Variants in SSH2 observed in about 807,000 individuals in gnomAD.
The protein encoded by SSH2 is protein phosphatase Slingshot homolog 2.
In SSH2, 37 loss-of-function variants were observed where a neutral mutation model predicts 135.2. That is an observed-to-expected ratio of 0.27 (90% CI 0.21 to 0.36). The LOEUF (loss-of-function observed/expected upper bound fraction) is 0.36. Among genes scored for constraint, SSH2 ranks in the 10% least tolerant of loss-of-function variants. The pLI, the probability that SSH2 is intolerant of heterozygous loss-of-function variation, is 1.00. For missense variants in SSH2, 1,408 were observed against 1,765.3 expected, an observed-to-expected ratio of 0.80 and a Z score of 3.63; for synonymous variants, 628 against 646.2, an observed-to-expected ratio of 0.97 and a Z score of 0.43.
At chr17:29,924,702 C>G (rs906386943) in intron 1 of SSH2, among the ~76,000 whole-genome samples, 12 of 152,028 alleles carry the variant, frequency 7.9e-5, no homozygotes, top group Non-Finnish European at 1.3e-4. Context: ...TATAGGGAAC[C>G]TGCCTTTAGC....
At chr17:29,774,195 G>A (rs186954524) in intron 3 of SSH2, among the ~76,000 whole-genome samples, 3 of 152,260 alleles carry the variant, frequency 2.0e-5, no homozygotes, top group African/African-American at 7.2e-5. Context: ...TCTGAATTGT[G>A]TTCATAATAA....
intron 8 of SSH2, among the ~76,000 whole-genome samples, chr17:29,673,225 T>C (rs1456733192): frequency 6.6e-6 from 1 of 152,178 alleles, no homozygotes; most frequent in African/African-American, 2.4e-5. Context: ...GCTCAATTAG[T>C]ATTTGTTGAG....
intron 1 of SSH2, among the ~76,000 whole-genome samples, chr17:29,862,285 A>C (rs142913262): frequency 0.02 from 3,076 of 152,300 alleles, 52 homozygotes; most frequent in Non-Finnish European, 0.03. Context: ...AATTATTGCT[A>C]TACAGGTTCT....
chr17:29,636,856 C>T, intron 14 of SSH2, 54 bp from the exon 15 acceptor site: 1 of 1,273,310 alleles, frequency 7.9e-7, no homozygotes, highest in South Asian at 1.4e-5. Flanking sequence ...AGATAATCAA[C>T]ACCCTCCCAG....
chr17:29,862,109 A>T (rs1056388988), intron 1 of SSH2, among the ~76,000 whole-genome samples: 2 of 152,156 alleles, frequency 1.3e-5, no homozygotes, highest in Non-Finnish European at 2.9e-5. Flanking sequence ...TTTCGTGATA[A>T]ATGGTACAGA....
At chr17:29,772,339 G>A (rs926253940) in intron 3 of SSH2, among the ~76,000 whole-genome samples, 1 of 149,238 alleles carries the variant, frequency 6.7e-6, no homozygotes, top group Non-Finnish European at 1.5e-5. Flanking sequence ...TCCACCTCCC[G>A]AGTTCACGCC....
intron 2 of SSH2, 32 bp downstream of exon 2, chr17:29,848,817 C>G: frequency 1.4e-6 from 2 of 1,390,082 alleles, no homozygotes; most frequent in Non-Finnish European, 2.0e-6. Flanking sequence ...CTTGAATCAC[C>G]AAAGTCTGTA....
intron 2 of SSH2, among the ~76,000 whole-genome samples, chr17:29,799,143 T>A (rs568424985): frequency 6.6e-6 from 1 of 152,176 alleles, no homozygotes; most frequent in Non-Finnish European, 1.5e-5. Flanking sequence ...TCATTTTTGA[T>A]GGGGTAAAAT....
At chr17:29,799,888 T>C (rs1301761413) in intron 2 of SSH2, among the ~76,000 whole-genome samples, 1 of 152,236 alleles carries the variant, frequency 6.6e-6, no homozygotes, top group African/African-American at 2.4e-5. Flanking sequence ...TGGGTCTATC[T>C]TTCTGCTATA....
At chr17:29,651,084 C>T (rs540289282) in intron 12 of SSH2, among the ~76,000 whole-genome samples, 1 of 152,118 alleles carries the variant, frequency 6.6e-6, no homozygotes, top group African/African-American at 2.4e-5. Flanking sequence ...AAAATCGTAT[C>T]CTTGATAGTA....
intron 3 of SSH2, among the ~76,000 whole-genome samples, chr17:29,778,661 A>AAAAT (rs35357918): frequency 0.43 from 61,872 of 142,732 alleles, 13,967 homozygotes; most frequent in Non-Finnish European, 0.48. Context: ...TAAATAAATA[A>AAAAT]AAATAAATAA....
At chr17:29,828,333 G>T (rs1193203030) in intron 2 of SSH2, among the ~76,000 whole-genome samples, 1 of 152,140 alleles carries the variant, frequency 6.6e-6, no homozygotes, top group African/African-American at 2.4e-5. Flanking sequence ...ACAAAGTAAA[G>T]ACTTTCTCAG....
At chr17:29,902,152 T>C (rs1231545944) in intron 1 of SSH2, among the ~76,000 whole-genome samples, 1 of 152,184 alleles carries the variant, frequency 6.6e-6, no homozygotes, top group African/African-American at 2.4e-5. Flanking sequence ...TGGCAATGAA[T>C]GTACACTACT....
chr17:29,795,514 A>C (rs1248683185), intron 2 of SSH2, among the ~76,000 whole-genome samples: 2 of 152,182 alleles, frequency 1.3e-5, no homozygotes, highest in African/African-American at 2.4e-5. Flanking sequence ...GAGACTGAAA[A>C]AAGGTTTAAA....
At chr17:29,700,930 C>T (rs1300724337) in intron 4 of SSH2, among the ~76,000 whole-genome samples, 1 of 151,988 alleles carries the variant, frequency 6.6e-6, no homozygotes, top group Non-Finnish European at 1.5e-5. Flanking sequence ...GCTGGGACTA[C>T]AGGCGCGCAC....
chr17:29,781,473 C>CTTTT (rs541361010), intron 3 of SSH2, among the ~76,000 whole-genome samples: 76 of 81,838 alleles, frequency 9.3e-4, no homozygotes, highest in Non-Finnish European at 1.4e-3. Context: ...CCTGTGTTTT[C>CTTTT]TTTTTTTTTT....
chr17:29,643,483 C>T (rs2036249099), intron 14 of SSH2, among the ~76,000 whole-genome samples: 1 of 150,740 alleles, frequency 6.6e-6, no homozygotes, highest in Non-Finnish European at 1.5e-5. Context: ...ATGATCTCAG[C>T]TCACTGCAAG....
At chr17:29,787,612 G>C (rs1011654657) in intron 3 of SSH2, 2 of 152,088 alleles carry the variant, frequency 1.3e-5, no homozygotes, top group Non-Finnish European at 2.9e-5. Context: ...AGTGCACAAG[G>C]CTTCCAATTT....
At chr17:29,708,991 G>T (rs1432877509) in intron 3 of SSH2, among the ~76,000 whole-genome samples, 9 of 37,340 alleles carry the variant, frequency 2.4e-4, no homozygotes, top group African/African-American at 8.2e-4. Flanking sequence ...CCCTAGTTAA[G>T]AAATATATAT....
Sources: gnomAD v4.1 joint callset for allele counts (sites outside exome capture counted in the v4.1 genomes callset) on GRCh38, gnomAD v4.1.1 for gene constraint, MANE v1.5 for transcripts, NCBI Gene and HGNC (gene_info 2026-07-23, HGNC 2026-07-21) for gene names.